ADAMTSL1: variants seen among roughly 807,000 people sequenced by gnomAD.
ADAMTSL1 encodes the protein ADAMTS like 1.
Under a neutral mutation model 201.8 loss-of-function variants are expected in ADAMTSL1, and 126 were observed. The ratio of observed to expected loss-of-function variants is 0.62; its 90% CI spans 0.54 to 0.72. ADAMTSL1 has a LOEUF of 0.72. Among genes scored for constraint, ADAMTSL1 ranks in the 30% least tolerant of loss-of-function variants. ADAMTSL1 has a pLI of 0.00. For synonymous variants in ADAMTSL1, 1,121 were observed against 903.4 expected (o/e 1.24, Z -4.32); for missense variants, 2,679 against 2,277.8 (o/e 1.18, Z -3.59).
chr9:18,304,727 A>T (rs1014048626), intron 2 of ADAMTSL1, among the ~76,000 whole-genome samples: 8 of 152,124 alleles, frequency 5.3e-5, no homozygotes, highest in African/African-American at 1.9e-4. Context: ...TTCTGAAAAA[A>T]ATAGTATCTT....
At chr9:17,929,808 C>T (rs1194567102) in intron 1 of ADAMTSL1, among the ~76,000 whole-genome samples, 1 of 152,096 alleles carries the variant, frequency 6.6e-6, no homozygotes, top group African/African-American at 2.4e-5. Context: ...CTCACAATGC[C>T]CATTTTCTTT....
rs533208789 is a variant in ADAMTSL1, at chr9:18,452,943, G to A, written c.208-51886G>A. 3.9e-5 allele frequency among the ~76,000 whole-genome samples: 6 copies of A among 152,352 alleles called. No individual in the cohort carries two copies. In the South Asian group the frequency reaches 1.2e-3, roughly 32 times the overall value. On this transcript the variant is annotated intron_variant, in intron 2 of 29. Transcript: ENST00000680146. The stretch of plus-strand genomic sequence containing the variant: ...TGGTAGCTCTATAGTTCTGGGTCCA[G>A]GGGTGGCCCCATTTCCAAGGTTCCA...
chr9:18,639,479 C>G, intron 7 of ADAMTSL1, 68 bp downstream of exon 7: 1 of 1,549,560 alleles, frequency 6.5e-7, no homozygotes, highest in Non-Finnish European at 8.7e-7. Context: ...ATTTCCTGAG[C>G]AGAGAGCGAT....
At chr9:18,364,147 C>G (rs776377541) in intron 2 of ADAMTSL1, among the ~76,000 whole-genome samples, 7 of 152,062 alleles carry the variant, frequency 4.6e-5, no homozygotes, top group Non-Finnish European at 7.4e-5. Flanking sequence ...ATTACCGGGA[C>G]AAGAGACAGT....
intron 19 of ADAMTSL1, among the ~76,000 whole-genome samples, chr9:18,792,028 G>A (rs918347934): frequency 2.6e-5 from 4 of 152,068 alleles, no homozygotes; most frequent in African/African-American, 7.3e-5. Context: ...CAGGGTAGGA[G>A]AGGGTTACAT....
chr9:18,146,794 C>G (rs949949956), intron 1 of ADAMTSL1, among the ~76,000 whole-genome samples: 1 of 152,060 alleles, frequency 6.6e-6, no homozygotes, highest in Non-Finnish European at 1.5e-5. Context: ...CATTTATAGT[C>G]TGTATATACT....
At chr9:18,501,014 C>T (rs79560267) in intron 1 of ADAMTSL1, among the ~76,000 whole-genome samples, 18,008 of 152,062 alleles carry the variant, frequency 0.12, 2,840 homozygotes, top group African/African-American at 0.36. Context: ...ATTTATCTGA[C>T]GAAAATCATT....
intron 26 of ADAMTSL1, among the ~76,000 whole-genome samples, chr9:18,900,246 G>C (rs1829927659): frequency 1.3e-5 from 2 of 152,234 alleles, no homozygotes; most frequent in African/African-American, 4.8e-5. Context: ...TCTCATGCCA[G>C]TCAGAATGGC....
intron 1 of ADAMTSL1, among the ~76,000 whole-genome samples, chr9:17,909,222 C>A (rs1347431765): frequency 4.8e-5 from 7 of 146,830 alleles, no homozygotes; most frequent in Non-Finnish European, 9.1e-5. Flanking sequence ...TGGGTATTAG[C>A]CCTTTGTCAG....
chr9:18,664,143 A>G (rs886842760), intron 9 of ADAMTSL1, among the ~76,000 whole-genome samples: 3 of 152,116 alleles, frequency 2.0e-5, no homozygotes, highest in Non-Finnish European at 4.4e-5. Flanking sequence ...AAGACTTAGC[A>G]GTAGGAAAGG....
At chr9:18,442,863 G>C (rs1192485229) in intron 2 of ADAMTSL1, among the ~76,000 whole-genome samples, 1 of 152,168 alleles carries the variant, frequency 6.6e-6, no homozygotes, top group Non-Finnish European at 1.5e-5. Flanking sequence ...GGAGAGCAGG[G>C]CTAAGGAAAA....
chr9:18,242,613 A>C (rs1314985594), intron 2 of ADAMTSL1, among the ~76,000 whole-genome samples: 1 of 152,138 alleles, frequency 6.6e-6, no homozygotes, highest in Non-Finnish European at 1.5e-5. Flanking sequence ...TGTTAAAAAA[A>C]CTCAAAGATA....
intron 2 of ADAMTSL1, among the ~76,000 whole-genome samples, chr9:18,351,562 T>C (rs1196162903): frequency 6.6e-6 from 1 of 152,136 alleles, no homozygotes; most frequent in Non-Finnish European, 1.5e-5. Context: ...TGATTGCACA[T>C]AATTCTTTAA....
intron 1 of ADAMTSL1, among the ~76,000 whole-genome samples, chr9:18,152,576 A>G (rs1284559865): frequency 6.6e-6 from 1 of 151,994 alleles, no homozygotes; most frequent in South Asian, 2.1e-4. Context: ...GACCCCCCAA[A>G]TGAGAAACCA....
intron 2 of ADAMTSL1, among the ~76,000 whole-genome samples, chr9:18,406,521 G>T (rs1431603589): frequency 2.0e-5 from 3 of 151,926 alleles, no homozygotes; most frequent in African/African-American, 7.3e-5. Context: ...CGTAGAGACA[G>T]GGTTTCACCA....
intron 2 of ADAMTSL1, among the ~76,000 whole-genome samples, chr9:18,436,322 A>C (rs1819729677): frequency 6.6e-6 from 1 of 152,148 alleles, no homozygotes; most frequent in Admixed American, 6.5e-5. Flanking sequence ...AGTGTCAGAG[A>C]AAGGCATGGC....
intron 20 of ADAMTSL1, among the ~76,000 whole-genome samples, chr9:18,799,256 T>G (rs1822625229): frequency 6.6e-6 from 1 of 152,202 alleles, no homozygotes; most frequent in African/African-American, 2.4e-5. Flanking sequence ...CTTTGAAGTA[T>G]TAATTACTTT....
chr9:18,030,169 C>T lies in ADAMTSL1; in HGVS notation c.87+123247C>T, dbSNP rs147533500. 4.3e-3 allele frequency among the ~76,000 whole-genome samples: 648 copies of T among 152,182 alleles called. 5 individuals carry two copies. The highest frequency in any genetic ancestry group is 0.014 in the African/African-American group (600 of 41,520). The stretch of plus-strand genomic sequence containing the variant: ...ACCCAAATGTCCAACAATGATAGAC[C>T]GGATTAAGAAAATGTGGCACATATA... On this transcript the variant is annotated intron_variant, in intron 1 of 29. Transcript: ENST00000680146.
Position 18,825,934 on chromosome 9 carries a change from C to T in ADAMTSL1, c.3935-350C>T, listed in dbSNP as rs140391979. 2.0e-5 allele frequency among the ~76,000 whole-genome samples: 3 copies of T among 152,282 alleles called. No homozygotes were observed. In the East Asian group the frequency reaches 5.8e-4, roughly 29 times the overall value. On this transcript the variant is annotated intron_variant, in intron 21 of 28. Transcript: ENST00000380548. ...ACATTTTCTCCAAAGAATTTGGGTACTCTCCTTCCACCTTGGCAAGCCCCC... is the reference window on the plus strand; with the variant it reads ...ACATTTTCTCCAAAGAATTTGGGTATTCTCCTTCCACCTTGGCAAGCCCCC...
Sources: allele counts gnomAD v4.1 joint callset (sites outside exome capture counted in the v4.1 genomes callset), GRCh38; gene constraint gnomAD v4.1.1; transcripts MANE v1.5; gene names NCBI Gene and HGNC (gene_info 2026-07-23, HGNC 2026-07-21).